Variants in AFG2A observed in about 807,000 individuals in gnomAD.
The protein encoded by AFG2A is ATPase family gene 2 protein homolog A.
chr4:122,940,249 CA>C, the AFG2A span, among the ~76,000 whole-genome samples: 2 of 152,010 alleles, frequency 1.3e-5, no homozygotes, highest in African/African-American at 4.8e-5. Context: ...GTCCCACCAA[CA>C]GTGTAAAAGT....
chr4:123,311,915 G>A, the AFG2A span, among the ~76,000 whole-genome samples: 11 of 152,130 alleles, frequency 7.2e-5, no homozygotes, highest in Admixed American at 3.3e-4. Flanking sequence ...TCCCTTCCTC[G>A]GATGTGCCAG....
the AFG2A span, among the ~76,000 whole-genome samples, chr4:123,100,770 G>A: frequency 6.6e-6 from 1 of 151,882 alleles, no homozygotes; most frequent in Non-Finnish European, 1.5e-5. Context: ...TAGTTTTCAC[G>A]CCTTGGGCTT....
chr4:123,293,777 A>T, the AFG2A span, among the ~76,000 whole-genome samples: 1 of 152,240 alleles, frequency 6.6e-6, no homozygotes, highest in Non-Finnish European at 1.5e-5. Context: ...ACTCTGCCTG[A>T]GTTCAGATGC....
chr4:123,012,004 G>A, the AFG2A span, among the ~76,000 whole-genome samples: 1 of 146,080 alleles, frequency 6.8e-6, no homozygotes, highest in Non-Finnish European at 1.5e-5. Flanking sequence ...GTGGAGAAGG[G>A]GTGGGTAGAG....
chr4:123,182,931 A>G, the AFG2A span, among the ~76,000 whole-genome samples: 2 of 152,214 alleles, frequency 1.3e-5, no homozygotes, highest in Non-Finnish European at 2.9e-5. Flanking sequence ...GTTTTGCGTT[A>G]TACACAGTTT....
chr4:123,023,192 G>GATA, the AFG2A span, among the ~76,000 whole-genome samples: 403 of 150,374 alleles, frequency 2.7e-3, 3 homozygotes, highest in African/African-American at 9.4e-3. Context: ...TAATAATAAT[G>GATA]ATAATAATAA....
chr4:123,200,863 C>T, the AFG2A span, among the ~76,000 whole-genome samples: 1 of 152,226 alleles, frequency 6.6e-6, no homozygotes, highest in Non-Finnish European at 1.5e-5. Context: ...AATGTCCTCA[C>T]ATGAGTTTCT....
the AFG2A span, among the ~76,000 whole-genome samples, chr4:123,039,744 T>C: frequency 6.6e-6 from 1 of 151,886 alleles, no homozygotes; most frequent in Non-Finnish European, 1.5e-5. Flanking sequence ...AAAATGATTG[T>C]GCAAGGTGAA....
At chr4:123,209,203 A>G in the AFG2A span, among the ~76,000 whole-genome samples, 1 of 152,216 alleles carries the variant, frequency 6.6e-6, no homozygotes, top group Non-Finnish European at 1.5e-5. Context: ...TAGGTAAAAC[A>G]ACCTGGGGCT....
chr4:123,183,015 A>T, the AFG2A span, among the ~76,000 whole-genome samples: 1 of 152,224 alleles, frequency 6.6e-6, no homozygotes, highest in Admixed American at 6.5e-5. Flanking sequence ...TCACCAGATA[A>T]GCTTTGAAAA....
chr4:123,042,363 C>T, the AFG2A span, among the ~76,000 whole-genome samples: 2 of 152,032 alleles, frequency 1.3e-5, no homozygotes, highest in Non-Finnish European at 2.9e-5. Flanking sequence ...ATCAAGCTCT[C>T]CTGTCTCTTC....
chr4:123,059,194 G>T, the AFG2A span, among the ~76,000 whole-genome samples: 1 of 136,962 alleles, frequency 7.3e-6, no homozygotes, highest in Non-Finnish European at 1.6e-5. Context: ...GGGTACATGT[G>T]CACAATGTGC....
the AFG2A span, among the ~76,000 whole-genome samples, chr4:123,285,102 G>T: frequency 6.6e-6 from 1 of 151,944 alleles, no homozygotes; most frequent in Non-Finnish European, 1.5e-5. Context: ...CTCAAACCCT[G>T]GCAGTATGGG....
chr4:123,041,939 G>T, the AFG2A span, among the ~76,000 whole-genome samples: 5 of 152,128 alleles, frequency 3.3e-5, no homozygotes, highest in Non-Finnish European at 7.3e-5. Flanking sequence ...ATGCTATTAG[G>T]TATCTCCCTC....
At chr4:123,098,201 A>G in the AFG2A span, among the ~76,000 whole-genome samples, 1 of 152,162 alleles carries the variant, frequency 6.6e-6, no homozygotes, top group Non-Finnish European at 1.5e-5. Flanking sequence ...TTGTTCATAT[A>G]TGAACCTCAC....
chr4:123,211,200 A>G, the AFG2A span, among the ~76,000 whole-genome samples: 1 of 152,212 alleles, frequency 6.6e-6, no homozygotes, highest in African/African-American at 2.4e-5. Context: ...TCCGAAGACC[A>G]TCTTCTCATA....
At chr4:123,143,341 C>T in the AFG2A span, among the ~76,000 whole-genome samples, 14 of 152,004 alleles carry the variant, frequency 9.2e-5, no homozygotes, top group Admixed American at 3.3e-4. Flanking sequence ...CAGCAGTCGT[C>T]GCTATTACAT....
At chr4:122,973,091 G>A in the AFG2A span, among the ~76,000 whole-genome samples, 7 of 151,928 alleles carry the variant, frequency 4.6e-5, no homozygotes. Context: ...TTTGTTATCA[G>A]GCATGTATTA....
the AFG2A span, among the ~76,000 whole-genome samples, chr4:123,097,531 G>C: frequency 0.78 from 118,055 of 152,094 alleles, 45,979 homozygotes; most frequent in East Asian, 0.97. Context: ...GCTGGAAAGC[G>C]TCCTGTACGG....
Sources: gnomAD v4.1 joint callset for allele counts (sites outside exome capture counted in the v4.1 genomes callset) on GRCh38, gnomAD v4.1.1 for gene constraint, MANE v1.5 for transcripts, NCBI Gene and HGNC (gene_info 2026-07-23, HGNC 2026-07-21) for gene names.